ASB4: variants seen among roughly 807,000 people sequenced by gnomAD.
ASB4 encodes the protein ankyrin repeat and SOCS box protein 4.
A neutral mutation model predicts 38.6 loss-of-function variants in ASB4; 35 were observed. That is an observed-to-expected ratio of 0.91 (90% CI 0.69 to 1.20). The LOEUF (loss-of-function observed/expected upper bound fraction) is 1.20. Ranked by LOEUF, ASB4 falls within the 50% of genes most tolerant of loss-of-function variation. The pLI is 0.00. For missense variants in ASB4, 557 were observed against 527.2 expected (o/e 1.06, Z -0.55); for synonymous variants, 195 against 201.3 (o/e 0.97, Z 0.26).
At chr7:95,481,352 CA>C (rs1173061413), upstream of ASB4, among the ~76,000 whole-genome samples, 1 of 147,896 alleles carries the variant, frequency 6.8e-6, no homozygotes, top group East Asian at 2.0e-4. Context: ...AAAAGAATAG[CA>C]AAAAAAGGAA....
chr7:95,507,078 T>C lies in ASB4; in HGVS notation c.487+11021T>C, dbSNP rs572527572. On this transcript the variant is annotated intron_variant, in intron 2 of 4. Coordinates refer to ENST00000325885, the MANE Select transcript of ASB4 (RefSeq NM_016116.3). The stretch of plus-strand genomic sequence containing the variant: ...TATAATCCTTGGCTGTCTGCCTATA[T>C]TTAAGATCCGAGTCACTAAAAGCTG... 3.3e-5 allele frequency among the ~76,000 whole-genome samples: 5 copies of C among 152,300 alleles called. No individual in the cohort carries two copies. In the South Asian group the frequency reaches 1.0e-3, roughly 32 times the overall value.
intron 2 of ASB4, among the ~76,000 whole-genome samples, chr7:95,498,985 C>T (rs993863830): frequency 2.6e-5 from 4 of 152,156 alleles, no homozygotes; most frequent in African/African-American, 9.7e-5. Flanking sequence ...GGACTCCAGC[C>T]TATTCCATTG....
intron 2 of ASB4, among the ~76,000 whole-genome samples, chr7:95,515,267 C>CTCTT (rs1227960057): frequency 0.12 from 8,966 of 72,420 alleles, 676 homozygotes; most frequent in Non-Finnish European, 0.15. Context: ...TTCTTTCTTT[C>CTCTT]TCTTTCTTTC....
the ASB4 span, among the ~76,000 whole-genome samples, chr7:95,551,058 G>C: frequency 6.6e-6 from 1 of 152,124 alleles, no homozygotes; most frequent in African/African-American, 2.4e-5. Context: ...TTGGCTCACT[G>C]CAACCTCCAA....
chr7:95,471,677 G>A, the ASB4 span, among the ~76,000 whole-genome samples: 5 of 151,908 alleles, frequency 3.3e-5, no homozygotes, highest in African/African-American at 1.2e-4. Flanking sequence ...TTCTCATAAA[G>A]GAATGCCCTT....
At chr7:95,550,463 G>A in the ASB4 span, among the ~76,000 whole-genome samples, 2 of 152,300 alleles carry the variant, frequency 1.3e-5, no homozygotes, top group African/African-American at 4.8e-5. Flanking sequence ...ACACTGTGTG[G>A]TGCTGAGTTA....
chr7:95,496,122 A>AC (rs1366418394), intron 2 of ASB4, 65 bp downstream of exon 2: 1 of 1,427,550 alleles, frequency 7.0e-7, no homozygotes, highest in African/African-American at 1.4e-5. Flanking sequence ...AGACTTTGTG[A>AC]CCCCTACCTA....
chr7:95,528,421 C>T (rs1471577564), intron 3 of ASB4, 118 bp downstream of exon 3: 1 of 1,531,156 alleles, frequency 6.5e-7, no homozygotes, highest in Non-Finnish European at 8.7e-7. Flanking sequence ...TACCTCTGAT[C>T]CTCTTTGACC....
intron 2 of ASB4, among the ~76,000 whole-genome samples, chr7:95,503,040 T>A (rs1790362713): frequency 6.6e-6 from 1 of 152,214 alleles, no homozygotes; most frequent in African/African-American, 2.4e-5. Flanking sequence ...GTATGGACTG[T>A]ATAGATGTAT....
At chr7:95,541,994 G>C (rs558151207), downstream of ASB4, among the ~76,000 whole-genome samples, 7 of 151,912 alleles carry the variant, frequency 4.6e-5, no homozygotes, top group African/African-American at 1.7e-4. Flanking sequence ...TTGAGCCCAC[G>C]AGTTCAAGTT....
At chr7:95,523,072 ACTC>A (rs1790685257) in intron 2 of ASB4, among the ~76,000 whole-genome samples, 2 of 152,166 alleles carry the variant, frequency 1.3e-5, no homozygotes, top group African/African-American at 4.8e-5. Flanking sequence ...GCATGGAAGG[ACTC>A]CATACTGTAA....
intron 1 of ASB4, among the ~76,000 whole-genome samples, chr7:95,494,092 C>A (rs1227011482): frequency 6.6e-6 from 1 of 152,174 alleles, no homozygotes; most frequent in African/African-American, 2.4e-5. Flanking sequence ...TCCTTTAGGA[C>A]ATTTCACATG....
chr7:95,503,844 T>C (rs1323346233), intron 2 of ASB4, among the ~76,000 whole-genome samples: 2 of 152,226 alleles, frequency 1.3e-5, no homozygotes, highest in Admixed American at 6.5e-5. Context: ...AAAAGGCTAA[T>C]TGAGGCAAAA....
chr7:95,485,913 G>C, upstream of ASB4: 1 of 1,510,342 alleles, frequency 6.6e-7, no homozygotes, highest in Non-Finnish European at 9.0e-7. Context: ...GCATGCGCCT[G>C]TTTGCTCGGT....
the ASB4 span, among the ~76,000 whole-genome samples, chr7:95,547,463 T>C: frequency 1.3e-5 from 2 of 152,240 alleles, no homozygotes; most frequent in Admixed American, 1.3e-4. Context: ...ATTTTGCATA[T>C]ATTAGTAGTT....
rs535077330 is a variant in ASB4, at chr7:95,536,196, G to A, written c.979-241G>A. ...TCTGAAAATCGTTTTAGCATTCCAGGGAGCTTAATAGGTCTGTGGGTTCTG... is the reference window on the plus strand; with the variant it reads ...TCTGAAAATCGTTTTAGCATTCCAGAGAGCTTAATAGGTCTGTGGGTTCTG... On this transcript the variant is annotated intron_variant, in intron 3 of 4. Coordinates refer to ENST00000325885, the MANE Select transcript of ASB4 (RefSeq NM_016116.3). Among the ~76,000 whole-genome samples, 9 of 152,224 alleles carry A rather than the reference G, an allele frequency of 5.9e-5. No homozygotes were observed. In the South Asian group the frequency reaches 1.7e-3, roughly 28 times the overall value.
At chr7:95,548,883 G>A in the ASB4 span, among the ~76,000 whole-genome samples, 1 of 152,100 alleles carries the variant, frequency 6.6e-6, no homozygotes, top group Non-Finnish European at 1.5e-5. Flanking sequence ...ATAACCCTAT[G>A]AGGAAAATAC....
At chr7:95,512,696 G>C (rs1456355003) in intron 2 of ASB4, among the ~76,000 whole-genome samples, 3 of 152,158 alleles carry the variant, frequency 2.0e-5, no homozygotes, top group Middle Eastern at 3.2e-3. Context: ...CCACAGAGCA[G>C]ACTTTGGGTA....
intron 2 of ASB4, among the ~76,000 whole-genome samples, chr7:95,497,315 A>C (rs1236375520): frequency 6.6e-6 from 1 of 152,208 alleles, no homozygotes; most frequent in Non-Finnish European, 1.5e-5. Context: ...GGCTTGCACC[A>C]GGGGCAAGCT....
Sources: allele counts gnomAD v4.1 joint callset (sites outside exome capture counted in the v4.1 genomes callset), GRCh38; gene constraint gnomAD v4.1.1; transcripts MANE v1.5; gene names NCBI Gene and HGNC (gene_info 2026-07-23, HGNC 2026-07-21).